DNAH3: variants seen among roughly 807,000 people sequenced by gnomAD.
The protein encoded by DNAH3 is axonemal beta dynein heavy chain 3.
DNAH3 carries 332 observed loss-of-function variants against 432.5 expected under a neutral mutation model. The ratio of observed to expected loss-of-function variants is 0.77; its 90% CI spans 0.70 to 0.84. The LOEUF is 0.84. Ranked by LOEUF, DNAH3 falls within the 40% of genes least tolerant of loss-of-function variation. The pLI, the probability that DNAH3 is intolerant of heterozygous loss-of-function variation, is 0.00. For synonymous variants in DNAH3, 1,956 were observed against 1,900.2 expected, an observed-to-expected ratio of 1.03 and a Z score of -0.76; for missense variants, 4,861 against 5,114.0, an observed-to-expected ratio of 0.95 and a Z score of 1.51.
chr16:21,085,544 AAAAAG>A (rs1567765635), intron 19 of DNAH3, among the ~76,000 whole-genome samples: 1 of 151,534 alleles, frequency 6.6e-6, no homozygotes, highest in East Asian at 1.9e-4. Flanking sequence ...AAAAAAAAAA[AAAAAG>A]AAAAACAGAG....
chr16:21,109,658 G>A (rs1010800592), intron 14 of DNAH3, among the ~76,000 whole-genome samples: 4 of 151,600 alleles, frequency 2.6e-5, no homozygotes, highest in South Asian at 2.1e-4. Flanking sequence ...GGAGTGCAGC[G>A]CCTCAATCAT....
intron 41 of DNAH3, among the ~76,000 whole-genome samples, chr16:21,008,184 TTCTCTCTCTCTCTCCTCTG>T (rs1327968354): frequency 2.0e-5 from 3 of 151,986 alleles, no homozygotes; most frequent in Non-Finnish European, 2.9e-5. Context: ...CTGTTAAACA[TTCTCTCTCTCTCTCCTCTG>T]TCTCTCTCTC....
At chr16:21,151,549 G>A (rs2092853323) in intron 1 of DNAH3, among the ~76,000 whole-genome samples, 1 of 151,954 alleles carries the variant, frequency 6.6e-6, no homozygotes, top group Admixed American at 6.6e-5. Context: ...GCCCACCTCG[G>A]CCTCCCAAAG....
intron 61 of DNAH3, among the ~76,000 whole-genome samples, chr16:20,934,287 TCCAGTGA>T (rs1251450862): frequency 6.6e-6 from 1 of 152,236 alleles, no homozygotes; most frequent in Non-Finnish European, 1.5e-5. Flanking sequence ...TTAACCAATA[TCCAGTGA>T]CCTTGTGAAT....
chr16:21,140,378 C>G, intron 5 of DNAH3, 158 bp downstream of exon 6: 1 of 674,072 alleles, frequency 1.5e-6, no homozygotes, highest in South Asian at 2.1e-5. Flanking sequence ...CACAAGCACA[C>G]AAACATGCGC....
In DNAH3 at chr16:21,027,021, C is replaced by T. The variant is rs1348974449; in HGVS notation, c.5540+6G>A. ...TCCCCCGGGGTGCCAGTGAGGGCTG[C>T]CTCACCTGCTCACAGTGGCTGGAGA... On this transcript the variant is annotated splice_donor_region_variant and intron_variant, in intron 38 of 61. Transcript: ENST00000261383. The T allele has an allele frequency of 6.2e-7, 1 of 1,612,192 alleles. No individual in the cohort carries two copies. Among genetic ancestry groups the T allele is most frequent in the Admixed American group, 1.7e-5 (1 of 60,004 alleles).
intron 9 of DNAH3, 78 bp downstream of exon 10, chr16:21,125,097 T>A: frequency 8.0e-7 from 1 of 1,245,944 alleles, no homozygotes; most frequent in Non-Finnish European, 1.1e-6. Flanking sequence ...GCTGAGGACG[T>A]ACATGACAGA....
chr16:21,074,853 G>A (rs1213601043), intron 21 of DNAH3, among the ~76,000 whole-genome samples: 3 of 152,126 alleles, frequency 2.0e-5, no homozygotes, highest in East Asian at 1.9e-4. Context: ...AGACCCTAAC[G>A]ACAGCTGAGC....
At chr16:20,958,290 C>T (rs1415974981) in intron 54 of DNAH3, among the ~76,000 whole-genome samples, 4 of 151,918 alleles carry the variant, frequency 2.6e-5, no homozygotes, top group Admixed American at 2.6e-4. Flanking sequence ...CCCAAACTGG[C>T]CTTGAACTCC....
intron 3 of DNAH3, among the ~76,000 whole-genome samples, chr16:21,143,066 G>C (rs1043309997): frequency 6.6e-6 from 1 of 152,122 alleles, no homozygotes; most frequent in Non-Finnish European, 1.5e-5. Flanking sequence ...CACCAGTGCC[G>C]CTCTGAAGAA....
At chr16:20,986,723 T>C (rs1337458789) in intron 47 of DNAH3, among the ~76,000 whole-genome samples, 2 of 152,188 alleles carry the variant, frequency 1.3e-5, no homozygotes, top group Non-Finnish European at 2.9e-5. Flanking sequence ...AGGAACGTTT[T>C]AGATGCCTCC....
chr16:21,017,932 C>G (rs1400749740), intron 41 of DNAH3, among the ~76,000 whole-genome samples: 1 of 151,862 alleles, frequency 6.6e-6, no homozygotes, highest in African/African-American at 2.4e-5. Flanking sequence ...TAGATTTTAC[C>G]GTTAGCTCTT....
intron 24 of DNAH3, among the ~76,000 whole-genome samples, chr16:21,065,560 T>C (rs1482531003): frequency 1.3e-5 from 2 of 152,194 alleles, no homozygotes; most frequent in Non-Finnish European, 2.9e-5. Flanking sequence ...AAGCCTTATG[T>C]GTCAAAACCA....
intron 1 of DNAH3, among the ~76,000 whole-genome samples, chr16:21,155,339 T>C (rs1459000284): frequency 1.3e-5 from 2 of 151,986 alleles, no homozygotes; most frequent in Non-Finnish European, 2.9e-5. Flanking sequence ...AAGAATGTTT[T>C]AGGGCCGGGA....
Position 20,964,907 on chromosome 16 carries a change from TA to T in DNAH3, c.8976del (p.Tyr2992Ter). ...AGCAACACGTCACCAGTCAGATTAG[TA>T]TAGCGGATCCCCAGCTGTCGGGCAG... On this transcript the variant is annotated frameshift_variant, in exon 53 of 62. Coordinates refer to ENST00000261383, the Ensembl canonical transcript of DNAH3. LOFTEE classifies it high-confidence loss of function. 1 of 1,614,182 alleles carries T rather than the reference TA, an allele frequency of 6.2e-7. No homozygotes were observed. The highest frequency in any genetic ancestry group is 8.5e-7 in the Non-Finnish European group (1 of 1,180,038).
exon 23 of DNAH3, chr16:21,069,552 C>T: frequency 6.2e-7 from 1 of 1,613,178 alleles, no homozygotes; most frequent in Non-Finnish European, 8.5e-7. Context: ...TTCAACCAGG[C>T]ATCCAAATTG....
chr16:21,132,955 C>T (rs1208921847), intron 7 of DNAH3, among the ~76,000 whole-genome samples: 2 of 137,876 alleles, frequency 1.5e-5, no homozygotes, highest in African/African-American at 2.8e-5. Context: ...TGGACTCCTA[C>T]AATTTTTTTT....
chr16:21,077,557 A>C (rs528862524), intron 20 of DNAH3, among the ~76,000 whole-genome samples: 76 of 152,196 alleles, frequency 5.0e-4, no homozygotes, highest in Non-Finnish European at 7.9e-4. Flanking sequence ...AAAAACACCT[A>C]CTATTTTCCT....
chr16:20,952,343 T>C lies in DNAH3; in HGVS notation c.11188+90A>G, dbSNP rs372926484. On this transcript the variant is annotated intron_variant, in intron 56 of 61. Transcript: ENST00000261383. ...TGTTTATGGTGAGGGAGGGAGGGAG[T>C]ACATAAGTGAATGGAAATGGGAGGA... 3.1e-3 allele frequency: 2,413 copies of C among 783,800 alleles called. 65 individuals are homozygous for C. The South Asian group carries it at 0.033, about 11-fold the overall frequency. The allele number at this position is 783,800 out of a possible 1,614,324, so 48.6% of individuals were successfully genotyped here.
Sources: gnomAD v4.1 joint callset for allele counts (sites outside exome capture counted in the v4.1 genomes callset) on GRCh38, gnomAD v4.1.1 for gene constraint, MANE v1.5 for transcripts, NCBI Gene and HGNC (gene_info 2026-07-23, HGNC 2026-07-21) for gene names.